The following PDCD11 variants were observed in gnomAD, a reference collection of about 807,000 sequenced individuals.
The protein encoded by PDCD11 is programmed cell death 11.
A neutral mutation model predicts 198.9 loss-of-function variants in PDCD11; 97 were observed. The observed-to-expected ratio is 0.49, with a 90% confidence interval of 0.41 to 0.58. The LOEUF is 0.58. Ranked by LOEUF, PDCD11 falls within the 20% of genes least tolerant of loss-of-function variation. PDCD11 has a pLI of 0.00. For synonymous variants in PDCD11, 893 were observed against 918.0 expected (o/e 0.97, Z 0.49); for missense variants, 2,102 against 2,312.7 (o/e 0.91, Z 1.87).
rs369673968 is a variant in PDCD11 at position 103,439,898 on chromosome 10, G to C, written c.4148+30G>C. 5.0e-5 allele frequency: 80 copies of C among 1,611,904 alleles called. No homozygotes were observed. In the African/African-American group the frequency reaches 6.9e-4, roughly 14 times the overall value. On this transcript the variant is annotated intron_variant, in intron 28 of 35. Transcript: ENST00000369797. ...GTGCCTTCCCGTTCTCTCTCTCTCT[G>C]TAATGTGAATCAAACCCCTTTCTCC...
chr10:103,418,651 T>C lies in PDCD11; in HGVS notation c.2106+17T>C. 1.2e-6 allele frequency: 2 copies of C among 1,607,072 alleles called. No homozygotes were observed. The highest frequency in any genetic ancestry group is 1.1e-5 in the South Asian group (1 of 90,452). On this transcript the variant is annotated intron_variant, in intron 15 of 35. Coordinates refer to ENST00000369797, the MANE Select transcript of PDCD11 (RefSeq NM_014976.2). ...GGGCGTGTTGTATCCTTGACTGGTA[T>C]CTGTGGAGCAGAGGAAGGTGGGGGG...
rs751535840 is a variant in PDCD11, at chr10:103,423,587, A to T, written c.2692A>T (p.Asn898Tyr). 1 of 1,614,108 alleles carries T rather than the reference A, an allele frequency of 6.2e-7. No homozygotes were observed. The highest frequency in any genetic ancestry group is 1.7e-5 in the Admixed American group (1 of 60,018). ...GCAGAAAAAGAAGGTTGTTATCTTA[A>T]ATGTTGATCTTTTGAAGTTGGAAGT... ...SGQKKKVVIL[N>Y]VDLLKLEVHV... Residue 898 changes from asparagine (N) to tyrosine (Y), a missense_variant, in exon 19 of 36, where the codon AAT (asparagine) becomes TAT (tyrosine). Asn to Tyr is a moderately radical substitution (Grantham distance 143). Transcript: ENST00000369797.
intron 13 of PDCD11, 52 bp from the exon 14 acceptor site, chr10:103,417,740 C>T: frequency 1.3e-6 from 2 of 1,595,782 alleles, no homozygotes; most frequent in Non-Finnish European, 1.7e-6. Context: ...CGTTGCAGGG[C>T]CTGCAAGGCT....
In PDCD11 at chr10:103,413,342, T is replaced by G. The variant is rs1203448206; in HGVS notation, c.1185+20T>G. 3 of 1,598,712 alleles carry G rather than the reference T, an allele frequency of 1.9e-6. No homozygotes were observed. In the East Asian group the frequency reaches 6.7e-5, roughly 36 times the overall value. On this transcript the variant is annotated intron_variant, in intron 9 of 35. Transcript: ENST00000369797. ...GCCCGGGTAAGGAGGCCTCTTTGTT[T>G]GGTCAGGGATCTTATCACTGGAAGG...
At chr10:103,418,129 G>C (rs2031216741) in intron 14 of PDCD11, among the ~76,000 whole-genome samples, 197 bp downstream of exon 14, 1 of 152,216 alleles carries the variant, frequency 6.6e-6, no homozygotes, top group South Asian at 2.1e-4. Context: ...TCCTGTTACA[G>C]TGAGGCTTTT....
chr10:103,414,112 A>G (rs1339555439), intron 10 of PDCD11, 22 bp downstream of exon 10: 4 of 1,604,096 alleles, frequency 2.5e-6, no homozygotes, highest in South Asian at 2.2e-5. Flanking sequence ...ATTAACAGGT[A>G]GGGGTGTAGA....
intron 21 of PDCD11, among the ~76,000 whole-genome samples, chr10:103,427,661 T>A (rs566753319): frequency 6.6e-6 from 1 of 152,268 alleles, no homozygotes; most frequent in Admixed American, 6.5e-5. Context: ...AAAAGAAACA[T>A]TTTTGCTCTC....
In PDCD11 at chr10:103,405,199, C is replaced by G. The variant is rs770867839; in HGVS notation, c.564+16C>G. 2 of 1,611,530 alleles carry G rather than the reference C, an allele frequency of 1.2e-6. No individual in the cohort carries two copies. The highest frequency in any genetic ancestry group is 1.7e-6 in the Non-Finnish European group (2 of 1,179,312). ...GCCTGGCATGGTAGGTGTCTAGGGTCGGGGAGGAAGAGTGGCAATGTGCCT... is the reference window on the plus strand; with the variant it reads ...GCCTGGCATGGTAGGTGTCTAGGGTGGGGGAGGAAGAGTGGCAATGTGCCT... On this transcript the variant is annotated intron_variant, in intron 5 of 35. Transcript: ENST00000369797.
In PDCD11 at chr10:103,421,424, A is replaced by G. The variant is rs759850846; in HGVS notation, c.2354A>G (p.Asn785Ser). Residue 785 changes from asparagine to serine, a missense_variant, in exon 17 of 36, where the codon AAT becomes AGT. By Grantham distance (46) the Asn-to-Ser change is conservative. Coordinates refer to ENST00000369797, the MANE Select transcript of PDCD11 (RefSeq NM_014976.2). ...EGQTVAAKVTNVDEEKQRMLL... is the reference protein window; with the variant it reads ...EGQTVAAKVTSVDEEKQRMLL... ...CAGACAGTAGCGGCAAAGGTGACCAATGTGGATGAGGAGAAGCAGCGGATG... is the reference window on the plus strand; with the variant it reads ...CAGACAGTAGCGGCAAAGGTGACCAGTGTGGATGAGGAGAAGCAGCGGATG... The G allele has an allele frequency of 1.1e-5, 17 of 1,608,148 alleles. No individual in the cohort carries two copies. Among genetic ancestry groups the G allele is most frequent in the Middle Eastern group, 1.7e-4 (1 of 6,054 alleles).
intron 26 of PDCD11, among the ~76,000 whole-genome samples, chr10:103,438,298 G>T (rs1191164019): frequency 6.6e-6 from 1 of 152,214 alleles, no homozygotes; most frequent in Non-Finnish European, 1.5e-5. Context: ...CCAGATGTGG[G>T]TGTCCAAGGT....
chr10:103,444,120 G>A (rs762071685), intron 34 of PDCD11, 52 bp downstream of exon 34: 3 of 1,511,698 alleles, frequency 2.0e-6, no homozygotes, highest in Non-Finnish European at 2.7e-6. Context: ...GGATCGGGGA[G>A]TAGGAACTGG....
chr10:103,407,640 G>C, intron 7 of PDCD11, among the ~76,000 whole-genome samples: 1 of 152,068 alleles, frequency 6.6e-6, no homozygotes, highest in East Asian at 1.9e-4. Context: ...GAACTCCTGA[G>C]CTCTAGTGAT....
At position 103,415,166 on chromosome 10, in the gene PDCD11, G is replaced by A. The variant is rs1175259598; in HGVS notation, c.1518+15G>A. The A allele has an allele frequency of 6.2e-7, 1 of 1,612,978 alleles. No individual in the cohort carries two copies. The highest frequency in any genetic ancestry group is 1.1e-5 in the South Asian group (1 of 91,010). On this transcript the variant is annotated intron_variant, in intron 12 of 35. Coordinates refer to ENST00000369797, the MANE Select transcript of PDCD11 (RefSeq NM_014976.2). ...TCAAGTGCCGGGTGAGCCTCCTGAAGGGTCTCTTGGGGTTTTGGCTAGATG... is the reference window on the plus strand; with the variant it reads ...TCAAGTGCCGGGTGAGCCTCCTGAAAGGTCTCTTGGGGTTTTGGCTAGATG...
Position 103,413,127 on chromosome 10 carries a change from C to A in PDCD11, c.990C>A (p.Cys330Ter), listed in dbSNP as rs946482142. The A allele has an allele frequency of 6.8e-6, 11 of 1,614,022 alleles. No homozygotes were observed. Among genetic ancestry groups the A allele is most frequent in the Non-Finnish European group, 9.3e-6 (11 of 1,179,968 alleles). Residue 330 changes from cysteine to a stop codon, truncating the protein, a stop_gained, in exon 9 of 36, where the codon TGC becomes TGA. Transcript: ENST00000369797. LOFTEE classifies it high-confidence loss of function. Reference protein sequence around the residue: ...TYFSNQAVRACILCVHPRTRV... With the variant: ...TYFSNQAVRA ...TTCCTTTTGTCTAGGTGAGGGCCTG[C>A]ATCCTTTGCGTCCATCCTCGAACCA...
intron 25 of PDCD11, among the ~76,000 whole-genome samples, chr10:103,436,072 G>A (rs1173576813): frequency 6.7e-6 from 1 of 150,332 alleles, no homozygotes; most frequent in Admixed American, 6.6e-5. Context: ...CTGTTGCCCA[G>A]GCTGGAGTGC....
At chr10:103,433,153 A>G (rs146393304) in intron 22 of PDCD11, among the ~76,000 whole-genome samples, 226 of 152,308 alleles carry the variant, frequency 1.5e-3, no homozygotes, top group African/African-American at 5.0e-3. Flanking sequence ...TGCCATGTGC[A>G]TAGTAGCTGC....
chr10:103,400,633 C>G, intron 3 of PDCD11, 105 bp downstream of exon 3: 1 of 1,149,006 alleles, frequency 8.7e-7, no homozygotes, highest in Non-Finnish European at 1.2e-6. Context: ...TTCCATTTTC[C>G]CCTTAATATA....
intron 12 of PDCD11, among the ~76,000 whole-genome samples, chr10:103,415,959 T>C (rs907795160): frequency 6.6e-6 from 1 of 152,242 alleles, no homozygotes. Context: ...CTCATCGTTA[T>C]TGACTCAGCA....
chr10:103,420,434 C>T (rs1400153529), intron 16 of PDCD11, among the ~76,000 whole-genome samples: 1 of 152,142 alleles, frequency 6.6e-6, no homozygotes, highest in Non-Finnish European at 1.5e-5. Flanking sequence ...TTACCTCCCC[C>T]ACCCCCATGT....
Sources: allele counts gnomAD v4.1 joint callset (sites outside exome capture counted in the v4.1 genomes callset), GRCh38; gene constraint gnomAD v4.1.1; transcripts MANE v1.5; gene names NCBI Gene and HGNC (gene_info 2026-07-23, HGNC 2026-07-21).